The following GSG1L variants were observed in gnomAD, a reference collection of about 807,000 sequenced individuals.
GSG1L encodes the protein germ cell-specific gene 1-like protein.
Under a neutral mutation model 42.1 loss-of-function variants are expected in GSG1L, and 24 were observed. That is an observed-to-expected ratio of 0.57 (90% CI 0.41 to 0.80). GSG1L has a LOEUF of 0.80. Ranked by LOEUF, GSG1L falls within the 30% of genes least tolerant of loss-of-function variation. GSG1L has a pLI of 0.00. For synonymous variants in GSG1L, 215 were observed against 203.5 expected, an observed-to-expected ratio of 1.06 and a Z score of -0.48; for missense variants, 445 against 472.2, an observed-to-expected ratio of 0.94 and a Z score of 0.53.
intron 2 of GSG1L, among the ~76,000 whole-genome samples, chr16:27,902,926 G>A (rs1029863197): frequency 1.2e-4 from 18 of 152,264 alleles, no homozygotes; most frequent in African/African-American, 3.9e-4. Flanking sequence ...GTGCCATGCT[G>A]CAGCTGGGAG....
intron 1 of GSG1L, among the ~76,000 whole-genome samples, chr16:27,964,079 G>A (rs1185399041): frequency 6.6e-6 from 1 of 152,074 alleles, no homozygotes; most frequent in African/African-American, 2.4e-5. Context: ...TCAACATACA[G>A]ATCATACTTT....
intron 1 of GSG1L, among the ~76,000 whole-genome samples, chr16:28,006,041 G>C (rs558101398): frequency 7.9e-5 from 12 of 152,250 alleles, no homozygotes; most frequent in Non-Finnish European, 1.8e-4. Flanking sequence ...AGAGGGAGAA[G>C]CCAGGTGAGA....
chr16:27,789,426 T>C lies in GSG1L; in HGVS notation c.*1944A>G, dbSNP rs563091909. 1 of 150,418 alleles carries C rather than the reference T, an allele frequency of 6.6e-6. No individual in the cohort carries two copies. Among genetic ancestry groups the C allele is most frequent in the South Asian group, 2.1e-4 (1 of 4,678 alleles). The allele number at this position is 150,418 out of a possible 1,614,324, so 9.3% of individuals were successfully genotyped here. On this transcript the variant is annotated 3_prime_UTR_variant, in exon 7 of 7. Transcript: ENST00000447459. ...GAGTGGATGATGGATAATGGATAGA[T>C]GGAGGGATGATGGCTGATGAATGAT...
chr16:27,828,681 T>C (rs2083240798), intron 5 of GSG1L, 108 bp downstream of exon 5: 5 of 1,056,532 alleles, frequency 4.7e-6, no homozygotes, highest in Middle Eastern at 2.2e-4. Flanking sequence ...ATAACCCCTC[T>C]GTCATACCAT....
At chr16:27,876,272 C>G (rs985896286) in intron 3 of GSG1L, among the ~76,000 whole-genome samples, 1 of 152,056 alleles carries the variant, frequency 6.6e-6, no homozygotes, top group Non-Finnish European at 1.5e-5. Context: ...GAATTAGGGT[C>G]CCAGCAAACT....
chr16:28,052,845 G>A (rs1302615254), intron 1 of GSG1L, among the ~76,000 whole-genome samples: 3 of 152,252 alleles, frequency 2.0e-5, no homozygotes, highest in African/African-American at 7.2e-5. Context: ...CATGTGGAGA[G>A]ATCCACCAAG....
intron 1 of GSG1L, among the ~76,000 whole-genome samples, chr16:27,997,759 C>A (rs1157013947): frequency 6.6e-6 from 1 of 151,592 alleles, no homozygotes; most frequent in East Asian, 1.9e-4. Context: ...AATTGTGTAG[C>A]AGTGAAGCCT....
At chr16:27,837,288 C>T (rs989127797) in intron 4 of GSG1L, among the ~76,000 whole-genome samples, 10 of 152,156 alleles carry the variant, frequency 6.6e-5, no homozygotes, top group African/African-American at 2.2e-4. Flanking sequence ...GGGAAACCAC[C>T]CCTATGATCA....
At chr16:27,831,255 G>A (rs1231854173) in intron 4 of GSG1L, among the ~76,000 whole-genome samples, 1 of 152,214 alleles carries the variant, frequency 6.6e-6, no homozygotes, top group Non-Finnish European at 1.5e-5. Context: ...GCAGAGCCAT[G>A]AAAAGGGGCT....
intron 1 of GSG1L, among the ~76,000 whole-genome samples, chr16:27,973,086 C>A (rs1169068681): frequency 6.6e-6 from 1 of 152,072 alleles, no homozygotes; most frequent in African/African-American, 2.4e-5. Flanking sequence ...GCGAAATGGG[C>A]ACAGCACCTG....
chr16:27,926,661 C>G (rs371697585), intron 2 of GSG1L, among the ~76,000 whole-genome samples: 1 of 152,142 alleles, frequency 6.6e-6, no homozygotes, highest in African/African-American at 2.4e-5. Context: ...TCCACTCCAG[C>G]CTGGGCGACA....
intron 1 of GSG1L, among the ~76,000 whole-genome samples, chr16:28,048,695 C>T (rs205401): frequency 0.18 from 27,768 of 152,206 alleles, 3,182 homozygotes; most frequent in South Asian, 0.44. Context: ...GAAAGCACCA[C>T]ATTTTAAAGC....
chr16:27,978,760 G>T (rs576494455), intron 1 of GSG1L, among the ~76,000 whole-genome samples: 9 of 148,246 alleles, frequency 6.1e-5, no homozygotes, highest in Admixed American at 1.3e-4. Context: ...GTAAATAATG[G>T]TTTTTTTTTT....
chr16:27,870,133 G>T (rs1567496709), intron 3 of GSG1L, among the ~76,000 whole-genome samples: 1 of 122,088 alleles, frequency 8.2e-6, no homozygotes. Context: ...GTCTGTCTCT[G>T]TGTCTCTCCA....
At chr16:27,841,909 A>AG (rs1351884787) in intron 4 of GSG1L, among the ~76,000 whole-genome samples, 1 of 152,204 alleles carries the variant, frequency 6.6e-6, no homozygotes, top group African/African-American at 2.4e-5. Flanking sequence ...CCTTCTGGAA[A>AG]GGGGGACTCA....
intron 2 of GSG1L, among the ~76,000 whole-genome samples, chr16:27,958,702 G>A (rs1293302253): frequency 6.6e-6 from 1 of 151,872 alleles, no homozygotes; most frequent in Admixed American, 6.6e-5. Flanking sequence ...TTGAGACAGA[G>A]TCTTGCTCTG....
intron 2 of GSG1L, among the ~76,000 whole-genome samples, chr16:27,934,858 TGGCTCAGAGCA>T (rs2084696531): frequency 6.6e-6 from 1 of 152,194 alleles, no homozygotes; most frequent in East Asian, 1.9e-4. Flanking sequence ...GCATAACACC[TGGCTCAGAGCA>T]GGCTCTGGAA....
intron 5 of GSG1L, 67 bp downstream of exon 5, chr16:27,828,722 C>G: frequency 6.7e-7 from 1 of 1,489,430 alleles, no homozygotes; most frequent in Non-Finnish European, 9.2e-7. Context: ...GGCCCGGTGG[C>G]CACTGAGGCC....
intron 2 of GSG1L, among the ~76,000 whole-genome samples, chr16:27,900,328 T>C (rs527527106): frequency 5.9e-5 from 9 of 152,320 alleles, no homozygotes; most frequent in East Asian, 5.8e-4. Flanking sequence ...TTGGGTGCTA[T>C]TACCATCTCC....
Sources: allele counts gnomAD v4.1 joint callset (sites outside exome capture counted in the v4.1 genomes callset), GRCh38; gene constraint gnomAD v4.1.1; transcripts MANE v1.5; gene names NCBI Gene and HGNC (gene_info 2026-07-23, HGNC 2026-07-21).